ZNF236: variants seen among roughly 807,000 people sequenced by gnomAD.
ZNF236 encodes the protein regulated by glucose.
A neutral mutation model predicts 191.2 loss-of-function variants in ZNF236; 50 were observed. That is an observed-to-expected ratio of 0.26 (90% CI 0.21 to 0.33). The LOEUF (loss-of-function observed/expected upper bound fraction) is 0.33. Ranked by LOEUF, ZNF236 falls within the 10% of genes least tolerant of loss-of-function variation. The pLI is 1.00. For missense variants in ZNF236, 1,754 were observed against 2,374.5 expected, an observed-to-expected ratio of 0.74 and a Z score of 5.43; for synonymous variants, 907 against 928.8, an observed-to-expected ratio of 0.98 and a Z score of 0.43.
intron 1 of ZNF236, among the ~76,000 whole-genome samples, chr18:76,832,965 A>G (rs1975216265): frequency 1.3e-5 from 2 of 152,146 alleles, no homozygotes; most frequent in Non-Finnish European, 2.9e-5. Flanking sequence ...TAGATATTTG[A>G]TATTTCCTGA....
chr18:76,955,930 A>C, intron 27 of ZNF236, 55 bp from the exon 28 acceptor site: 2 of 1,561,890 alleles, frequency 1.3e-6, no homozygotes, highest in Admixed American at 1.9e-5. Flanking sequence ...TCAGTTCACA[A>C]ACTGCACAAA....
chr18:76,825,105 C>T (rs1483589375), intron 1 of ZNF236, among the ~76,000 whole-genome samples: 3 of 152,202 alleles, frequency 2.0e-5, no homozygotes, highest in Non-Finnish European at 4.4e-5. Flanking sequence ...CTTTTGTGTT[C>T]CTTGATGCCA....
chr18:76,823,155 C>T (rs547774008), intron 1 of ZNF236, among the ~76,000 whole-genome samples: 1 of 151,882 alleles, frequency 6.6e-6, no homozygotes, highest in African/African-American at 2.4e-5. Context: ...CCGGCTGCCC[C>T]GGGGACGTTG....
intron 1 of ZNF236, among the ~76,000 whole-genome samples, chr18:76,842,814 G>A (rs1342556436): frequency 6.6e-6 from 1 of 151,950 alleles, no homozygotes; most frequent in Non-Finnish European, 1.5e-5. Context: ...ACAGGTTAGG[G>A]ATGAATTTTC....
chr18:76,871,597 T>A, intron 4 of ZNF236, 104 bp from the exon 5 acceptor site: 3 of 1,302,444 alleles, frequency 2.3e-6, no homozygotes, highest in Non-Finnish European at 2.2e-6. Flanking sequence ...TTAAAACAGG[T>A]TCTGATGACT....
At chr18:76,912,665 T>C (rs1320546669) in intron 17 of ZNF236, among the ~76,000 whole-genome samples, 1 of 152,228 alleles carries the variant, frequency 6.6e-6, no homozygotes, top group African/African-American at 2.4e-5. Context: ...GTTAAATTTA[T>C]ATTATGCCTT....
chr18:76,904,634 C>A, intron 12 of ZNF236, 113 bp downstream of exon 12: 1 of 868,436 alleles, frequency 1.2e-6, no homozygotes. Context: ...TTAAAGATGT[C>A]ACATTTGACT....
chr18:76,960,763 G>A lies in ZNF236; in HGVS notation c.5327G>A (p.Gly1776Glu), dbSNP rs201361585. Residue 1776 changes from glycine (G) to glutamate (E), a missense_variant, in exon 30 of 31, where the codon GGG becomes GAG. This residue lies in a region of ZNF236 where 606 missense variants were observed against 761.5 expected (regional missense o/e 0.80). Coordinates refer to ENST00000320610, the MANE Select transcript of ZNF236 (RefSeq NM_001306089.2). The surrounding 1 kb of genome is among the most constrained non-coding windows in gnomAD (Gnocchi z 4.4). ...ALQVHMKKHT[G>E]ERPYKCAYCV... is the part of the protein sequence containing the mutation. Reference sequence around the variant, plus strand: ...CAGGTGCACATGAAGAAGCACACGGGGGAGCGGCCCTACAAGTGTGCCTAC... The same window carrying A: ...CAGGTGCACATGAAGAAGCACACGGAGGAGCGGCCCTACAAGTGTGCCTAC... The A allele has an allele frequency of 1.9e-6, 3 of 1,614,218 alleles. No homozygotes were observed. The highest frequency in any genetic ancestry group is 2.5e-6 in the Non-Finnish European group (3 of 1,180,024).
At chr18:76,943,769 T>C (rs9964125) in intron 26 of ZNF236, among the ~76,000 whole-genome samples, 4,750 of 152,320 alleles carry the variant, frequency 0.031, 243 homozygotes, top group African/African-American at 0.11. Context: ...GTTTAAAGCT[T>C]TCTTAATTTT....
At position 76,937,308 on chromosome 18, in the gene ZNF236, G is replaced by A. The variant is rs1309298838; in HGVS notation, c.4747G>A (p.Gly1583Ser). The change falls in exon 26 of 31, where the codon GGC (glycine) becomes AGC (serine). Residue 1583 changes from glycine (G) to serine (S), a missense_variant. By Grantham distance (56) the Gly-to-Ser change is moderately conservative. Coordinates refer to ENST00000320610, the MANE Select transcript of ZNF236 (RefSeq NM_001306089.2). Reference protein sequence around the residue: ...LADTQGMLSGGLDTVTLNITS... With the variant: ...LADTQGMLSGSLDTVTLNITS... The stretch of plus-strand genomic sequence containing the variant: ...CGATACTCAGGGTATGCTATCTGGA[G>A]GCCTGGACACTGTCACACTCAACAT... 14 of 1,613,750 alleles carry A rather than the reference G, an allele frequency of 8.7e-6. No homozygotes were observed. Among genetic ancestry groups the A allele is most frequent in the Non-Finnish European group, 1.2e-5 (14 of 1,179,920 alleles).
rs1967805380 is a variant in ZNF236, at chr18:76,930,084, A to G, written c.4594+1978A>G. 2.0e-5 allele frequency among the ~76,000 whole-genome samples: 3 copies of G among 152,214 alleles called. No homozygotes were observed. In the South Asian group the frequency reaches 6.2e-4, roughly 32 times the overall value. On this transcript the variant is annotated intron_variant, in intron 25 of 30. Coordinates refer to ENST00000320610, the MANE Select transcript of ZNF236 (RefSeq NM_001306089.2). ...TGATGTTTTCAGCCCAGTTATTAAT[A>G]AAAAGGTATATAAAATTGGGAACCA...
In ZNF236 at chr18:76,881,444, A is replaced by G. The variant is rs371877708; in HGVS notation, c.1349A>G (p.Gln450Arg). Residue 450 changes from glutamine (Q) to arginine (R), a missense_variant, in exon 9 of 31, where the codon CAG becomes CGG. Gln to Arg is a conservative substitution (Grantham distance 43, BLOSUM62 1). This residue lies in a region of ZNF236 where 126 missense variants were observed against 110.9 expected (regional missense o/e 1.14). Transcript: ENST00000320610. ...ACAGACGCAGAGCAAGAAAAAGAAC[A>G]GGAAAGCCCGGAGAAACTGGATAAA... ...DPTDAEQEKE[Q>R]ESPEKLDKKE... is the part of the protein sequence containing the mutation. 13 of 1,614,064 alleles carry G rather than the reference A, an allele frequency of 8.1e-6. No individual in the cohort carries two copies. In the African/African-American group the frequency reaches 1.2e-4, roughly 15 times the overall value.
chr18:76,950,572 T>G (rs1281212138), intron 27 of ZNF236, among the ~76,000 whole-genome samples: 5 of 147,458 alleles, frequency 3.4e-5, no homozygotes, highest in African/African-American at 1.2e-4. Context: ...ATCTTCAGGC[T>G]CCATTTCTAA....
intron 3 of ZNF236, among the ~76,000 whole-genome samples, chr18:76,852,918 A>G (rs568985281): frequency 6.6e-6 from 1 of 152,242 alleles, no homozygotes; most frequent in Admixed American, 6.5e-5. Flanking sequence ...TTCTCTTGTG[A>G]TGTTAGGCAG....
At chr18:76,909,300 G>A (rs1967151027) in intron 14 of ZNF236, among the ~76,000 whole-genome samples, 1 of 132,770 alleles carries the variant, frequency 7.5e-6, no homozygotes, top group Admixed American at 8.4e-5. Context: ...GGACAACGGA[G>A]TGAGTGAGAC....
At chr18:76,902,008 T>G in intron 11 of ZNF236, among the ~76,000 whole-genome samples, 1 of 152,164 alleles carries the variant, frequency 6.6e-6, no homozygotes, top group Non-Finnish European at 1.5e-5. Flanking sequence ...TTTTTGAATC[T>G]TCAGTTGAGT....
intron 25 of ZNF236, among the ~76,000 whole-genome samples, chr18:76,930,291 A>G (rs902845027): frequency 6.6e-6 from 1 of 152,196 alleles, no homozygotes; most frequent in African/African-American, 2.4e-5. Flanking sequence ...CTATAAAGCA[A>G]TCATAGTGCA....
intron 3 of ZNF236, among the ~76,000 whole-genome samples, chr18:76,853,915 C>G (rs956951960): frequency 6.6e-6 from 1 of 151,298 alleles, no homozygotes; most frequent in African/African-American, 2.4e-5. Context: ...GAGGCTAAGG[C>G]GGGAGAATCA....
At chr18:76,857,818 A>G (rs937863321) in intron 3 of ZNF236, among the ~76,000 whole-genome samples, 6 of 152,208 alleles carry the variant, frequency 3.9e-5, no homozygotes, top group African/African-American at 1.2e-4. Context: ...AGAATTTTAT[A>G]TAGTTAATTA....
Sources: allele counts gnomAD v4.1 joint callset (sites outside exome capture counted in the v4.1 genomes callset), GRCh38; gene constraint gnomAD v4.1.1; regional missense constraint gnomAD v4.1.1; non-coding constraint Gnocchi (gnomAD v3.1); transcripts MANE v1.5; gene names NCBI Gene and HGNC (gene_info 2026-07-23, HGNC 2026-07-21).